Variants in TTC34 observed in about 807,000 individuals in gnomAD.
TTC34 encodes tetratricopeptide repeat domain 34, also known as tetratricopeptide repeat protein 34.
TTC34 carries 44 observed loss-of-function variants against 40.7 expected under a neutral mutation model. The observed-to-expected ratio is 1.08, with a 90% CI of 0.85 to 1.39. The LOEUF (loss-of-function observed/expected upper bound fraction) is 1.39. Ranked by LOEUF, TTC34 falls within the 40% of genes most tolerant of loss-of-function variation. TTC34 has a pLI of 0.00. For synonymous variants in TTC34, 422 were observed against 398.6 expected, an observed-to-expected ratio of 1.06 and a Z score of -0.70; for missense variants, 884 against 838.0, an observed-to-expected ratio of 1.05 and a Z score of -0.68.
At chr1:2,791,879 T>G (rs1432275235) in intron 2 of TTC34, among the ~76,000 whole-genome samples, 1 of 152,084 alleles carries the variant, frequency 6.6e-6, no homozygotes, top group African/African-American at 2.4e-5. Flanking sequence ...ACCCAGCCTC[T>G]GTTCATTTTT....
intron 6 of TTC34, among the ~76,000 whole-genome samples, chr1:2,694,900 C>A (rs1202478517): frequency 9.3e-6 from 1 of 107,494 alleles, no homozygotes; most frequent in African/African-American, 3.4e-5. Flanking sequence ...CAGCCTGGAA[C>A]AGCACCCACA....
At position 2,692,346 on chromosome 1, in the gene TTC34, C is replaced by A. The variant is rs1484696836; in HGVS notation, c.2227-46783G>T. ...ACAGCCTGGAGCAGCGCCCACACAC[C>A]GAGGTGAGCATCTGACAGCCTGGAG... On this transcript the variant is annotated intron_variant, in intron 6 of 8. Coordinates refer to ENST00000401095, the Ensembl canonical transcript of TTC34. Among the ~76,000 whole-genome samples, 2 of 76,236 alleles carry A rather than the reference C, an allele frequency of 2.6e-5. 1 individual carries two copies. The highest frequency in any genetic ancestry group is 6.5e-5 in the Non-Finnish European group (2 of 30,718). The allele number at this position is 76,236 out of a possible 152,430, so 50.0% of individuals were successfully genotyped here.
intron 6 of TTC34, among the ~76,000 whole-genome samples, chr1:2,756,645 C>T (rs1641515285): frequency 1.7e-4 from 25 of 149,604 alleles, no homozygotes; most frequent in South Asian, 6.4e-4. Context: ...GAGCATCTGA[C>T]AGCCTGGAAC....
intron 6 of TTC34, among the ~76,000 whole-genome samples, chr1:2,752,168 A>ATC (rs2100433928): frequency 8.4e-6 from 1 of 118,800 alleles, no homozygotes; most frequent in Non-Finnish European, 1.7e-5. Context: ...CAGCACCCAC[A>ATC]CCAACAGGTG....
At chr1:2,657,422 C>G (rs1289724405) in intron 6 of TTC34, among the ~76,000 whole-genome samples, 4 of 89,494 alleles carry the variant, frequency 4.5e-5, no homozygotes, top group African/African-American at 1.4e-4. Context: ...TACCAGTACC[C>G]CCAGGCGAGC....
intron 6 of TTC34, among the ~76,000 whole-genome samples, chr1:2,693,105 C>T (rs1356477911): frequency 1.3e-5 from 1 of 79,872 alleles, no homozygotes; most frequent in East Asian, 3.0e-4. Context: ...AGCACCCACA[C>T]CCTCAGGTGA....
Position 2,700,288 on chromosome 1 carries a change from C to G in TTC34, c.2227-54725G>C, listed in dbSNP as rs1235282979. ...GGATGCGATAGCCTGGAGCAGCACC[C>G]ACACCCCCAGGTGAGCATCCGACAG... On this transcript the variant is annotated intron_variant, in intron 6 of 8. Coordinates refer to ENST00000401095, the Ensembl canonical transcript of TTC34. 3.9e-5 allele frequency among the ~76,000 whole-genome samples: 4 copies of G among 103,476 alleles called. 1 individual carries two copies. The highest frequency in any genetic ancestry group is 9.2e-5 in the Non-Finnish European group (4 of 43,450). 67.9% of individuals were successfully genotyped at this position (103,476 alleles called of 152,430 possible).
chr1:2,639,150 G>A (rs1345471801), exon 9 of TTC34: 1 of 152,298 alleles, frequency 6.6e-6, no homozygotes. Flanking sequence ...TTGGGGGTTA[G>A]GATCGCAACA....
At chr1:2,768,226 C>T (rs139502087) in intron 6 of TTC34, among the ~76,000 whole-genome samples, 2 of 151,638 alleles carry the variant, frequency 1.3e-5, no homozygotes, top group Admixed American at 1.3e-4. Flanking sequence ...AGGATGCTCA[C>T]CTGAGGTTGG....
intron 6 of TTC34, among the ~76,000 whole-genome samples, chr1:2,695,053 A>AGCCTGGAG (rs1640797824): frequency 5.5e-4 from 79 of 143,310 alleles, no homozygotes; most frequent in Admixed American, 9.0e-4. Context: ...AGCATCTGAC[A>AGCCTGGAG]CACTGAAACA....
At chr1:2,787,705 C>T (rs1376305199) in exon 4 of TTC34, 13 of 1,538,152 alleles carry the variant, frequency 8.5e-6, no homozygotes, top group Non-Finnish European at 1.1e-5. Flanking sequence ...CCGCAGGCGA[C>T]CCTGTGTGGA....
At chr1:2,642,044 G>A (rs1272363522) in intron 8 of TTC34, 149 bp from the exon 9 acceptor site, 2 of 902,478 alleles carry the variant, frequency 2.2e-6, no homozygotes, top group South Asian at 2.0e-5. Context: ...GCTGCCCGCT[G>A]CTTCTGGAGG....
chr1:2,750,095 C>A (rs1641266184), intron 6 of TTC34, among the ~76,000 whole-genome samples: 10 of 142,662 alleles, frequency 7.0e-5, no homozygotes, highest in African/African-American at 2.2e-4. Context: ...CCCCAGTGAG[C>A]ATCTGACAGC....
At chr1:2,768,232 G>T (rs1173996998) in intron 6 of TTC34, among the ~76,000 whole-genome samples, 1 of 151,858 alleles carries the variant, frequency 6.6e-6, no homozygotes, top group Non-Finnish European at 1.5e-5. Context: ...CTCACCTGAG[G>T]TTGGGAGTGC....
At position 2,796,233 on chromosome 1, in the gene TTC34, G is replaced by A. The variant is rs1643709167; in HGVS notation, c.784+3811C>T. Reference sequence around the variant, plus strand: ...ACCCAGCCCGTGGCATTCTGTCACAGCAGCACAAATGGAGCGACTGGTTTG... The same window carrying A: ...ACCCAGCCCGTGGCATTCTGTCACAACAGCACAAATGGAGCGACTGGTTTG... On this transcript the variant is annotated intron_variant, in intron 2 of 8. Coordinates refer to ENST00000401095, the Ensembl canonical transcript of TTC34. The surrounding 1 kb of genome is among the most constrained non-coding windows in gnomAD (Gnocchi z 4.5). Among the ~76,000 whole-genome samples, 1 of 152,212 alleles carries A rather than the reference G, an allele frequency of 6.6e-6. No homozygotes were observed. The highest frequency in any genetic ancestry group is 1.5e-5 in the Non-Finnish European group (1 of 68,048).
chr1:2,753,051 A>G (rs1641377388), intron 6 of TTC34, among the ~76,000 whole-genome samples: 1 of 151,184 alleles, frequency 6.6e-6, no homozygotes, highest in African/African-American at 2.4e-5. Context: ...AGCAGCACCC[A>G]CACCCCCAGG....
chr1:2,749,472 C>A lies in TTC34; in HGVS notation c.2226+34137G>T, dbSNP rs1641246793. Among the ~76,000 whole-genome samples the A allele has an allele frequency of 4.6e-4, 51 of 111,934 alleles. 6 individuals carry two copies. The highest frequency in any genetic ancestry group is 1.7e-3 in the African/African-American group (44 of 25,418). The allele number at this position is 111,934 out of a possible 152,430, so 73.4% of individuals were successfully genotyped here. The stretch of plus-strand genomic sequence containing the variant: ...CAGGTGAGCATCTGACGGCCTGGAA[C>A]AGCACCCACATCCCCAGGTGAGCAT... On this transcript the variant is annotated intron_variant, in intron 6 of 8. Coordinates refer to ENST00000401095, the Ensembl canonical transcript of TTC34.
At chr1:2,759,633 C>G (rs1641626082) in intron 6 of TTC34, among the ~76,000 whole-genome samples, 417 of 151,400 alleles carry the variant, frequency 2.8e-3, no homozygotes, top group Non-Finnish European at 4.4e-3. Context: ...GGAACAGCAC[C>G]CACACCCCCA....
intron 6 of TTC34, among the ~76,000 whole-genome samples, chr1:2,749,426 C>A (rs1569686015): frequency 7.6e-6 from 1 of 131,994 alleles, no homozygotes; most frequent in Non-Finnish European, 1.6e-5. Context: ...ACGTGACAGC[C>A]TGGAACAGCA....
Sources: allele counts gnomAD v4.1 joint callset (sites outside exome capture counted in the v4.1 genomes callset), GRCh38; gene constraint gnomAD v4.1.1; non-coding constraint Gnocchi (gnomAD v3.1); transcripts MANE v1.5; gene names NCBI Gene and HGNC (gene_info 2026-07-23, HGNC 2026-07-21).